IL1RAPL2: variants seen among roughly 807,000 people sequenced by gnomAD.
IL1RAPL2 encodes X-linked interleukin-1 receptor accessory protein-like 2.
In IL1RAPL2, 3 loss-of-function variants were observed where a neutral mutation model predicts 44.1. That is an observed-to-expected ratio of 0.07 (90% CI 0.03 to 0.18). IL1RAPL2 has a LOEUF of 0.18. Among genes scored for constraint, IL1RAPL2 ranks in the 10% least tolerant of loss-of-function variants. The pLI is 1.00. For synonymous variants in IL1RAPL2, 181 were observed against 178.8 expected, an observed-to-expected ratio of 1.01 and a Z score of -0.10; for missense variants, 391 against 496.4, an observed-to-expected ratio of 0.79 and a Z score of 2.02.
chrX:104,798,537 G>A (rs888483992), intron 2 of IL1RAPL2, among the ~76,000 whole-genome samples: 62 of 110,447 alleles, frequency 5.6e-4, no homozygotes, highest in Admixed American at 1.1e-3. Context: ...GTGGTGGCAG[G>A]TGCCTGTAGT....
chrX:104,924,611 C>T (rs1924730290), intron 2 of IL1RAPL2, among the ~76,000 whole-genome samples: 1 of 110,860 alleles, frequency 9.0e-6, no homozygotes. Context: ...TTTGGGTAAA[C>T]AACAAATGAA....
rs993860451 is a variant in IL1RAPL2 at position 104,906,600 on chromosome X, G to C, written c.82+247605G>C. On this transcript the variant is annotated intron_variant, in intron 2 of 10. Coordinates refer to ENST00000372582, the MANE Select transcript of IL1RAPL2 (RefSeq NM_017416.2). ...TGTCTTTGGCTCTGTTTATATGCTG[G>C]ATTACATTTACTGATTTGCATATAC... Among the ~76,000 whole-genome samples the C allele has an allele frequency of 6.3e-5, 7 of 111,938 alleles. No individual in the cohort carries two copies. In the South Asian group the frequency reaches 2.6e-3, roughly 42 times the overall value.
At chrX:104,850,932 T>C (rs1922208009) in intron 2 of IL1RAPL2, among the ~76,000 whole-genome samples, 2 of 111,085 alleles carry the variant, frequency 1.8e-5, no homozygotes, top group Non-Finnish European at 3.8e-5. Flanking sequence ...AGTTGAAAAA[T>C]GTGTATGAGA....
chrX:104,888,302 C>G (rs953761931), intron 2 of IL1RAPL2, among the ~76,000 whole-genome samples: 4 of 97,093 alleles, frequency 4.1e-5, no homozygotes, highest in Non-Finnish European at 6.2e-5. Flanking sequence ...GGAGAAGAGA[C>G]AGAGACAAAG....
intron 5 of IL1RAPL2, among the ~76,000 whole-genome samples, chrX:105,466,591 CTT>C (rs1455496860): frequency 8.9e-6 from 1 of 111,772 alleles, no homozygotes; most frequent in Non-Finnish European, 1.9e-5. Context: ...ATCTGTCACT[CTT>C]TCTTTACTTT....
chrX:105,661,224 G>A (rs1402256949), intron 6 of IL1RAPL2, among the ~76,000 whole-genome samples: 1 of 111,902 alleles, frequency 8.9e-6, no homozygotes, highest in Non-Finnish European at 1.9e-5. Context: ...AATTCAGCAA[G>A]GGGATATAAC....
At chrX:104,910,717 G>T (rs950707638) in intron 2 of IL1RAPL2, among the ~76,000 whole-genome samples, 32 of 111,742 alleles carry the variant, frequency 2.9e-4, no homozygotes, top group African/African-American at 1.0e-3. Context: ...TAAAAATTTT[G>T]TAGCTCTCTT....
intron 5 of IL1RAPL2, among the ~76,000 whole-genome samples, chrX:105,452,115 G>A (rs1210291108): frequency 9.0e-6 from 1 of 110,660 alleles, no homozygotes; most frequent in Non-Finnish European, 1.9e-5. Flanking sequence ...CTCTTTTATT[G>A]TAAATATTAC....
chrX:105,219,856 G>A, intron 3 of IL1RAPL2: 6 of 1,087,686 alleles, frequency 5.5e-6, no homozygotes, highest in Non-Finnish European at 7.4e-6. Context: ...GGCGGGGCAG[G>A]GCGAAGCCAT....
intron 6 of IL1RAPL2, among the ~76,000 whole-genome samples, chrX:105,663,237 C>T (rs763302418): frequency 9.0e-6 from 1 of 111,463 alleles, no homozygotes; most frequent in Admixed American, 9.5e-5. Flanking sequence ...AATGAATGCA[C>T]AAAATATATG....
intron 2 of IL1RAPL2, among the ~76,000 whole-genome samples, chrX:104,737,444 T>A (rs1301201633): frequency 3.6e-5 from 4 of 111,779 alleles, no homozygotes; most frequent in Non-Finnish European, 5.7e-5. Context: ...CTCCAATAAA[T>A]CTGAAAAAAA....
chrX:104,907,969 T>C (rs1924077716), intron 2 of IL1RAPL2, among the ~76,000 whole-genome samples: 1 of 110,302 alleles, frequency 9.1e-6, no homozygotes, highest in Non-Finnish European at 1.9e-5. Flanking sequence ...AGGACTTGCT[T>C]TATGAATTTG....
chrX:104,966,154 A>C (rs1350807364), intron 2 of IL1RAPL2, among the ~76,000 whole-genome samples: 1 of 111,395 alleles, frequency 9.0e-6, no homozygotes, highest in East Asian at 2.8e-4. Context: ...AATAAATAGC[A>C]ACTCAACCTC....
chrX:104,739,252 T>G lies in IL1RAPL2; in HGVS notation c.82+80257T>G, dbSNP rs73523360. ...ATTGAAAAGCCCCAAGAAATGTTGG[T>G]TCTCTTATTTGTTAGTTTGCTTTGC... On this transcript the variant is annotated intron_variant, in intron 2 of 10. Coordinates refer to ENST00000372582, the MANE Select transcript of IL1RAPL2 (RefSeq NM_017416.2). Among the ~76,000 whole-genome samples the G allele has an allele frequency of 6.5e-3, 727 of 111,998 alleles. 8 individuals are homozygous for G. Among genetic ancestry groups the G allele is most frequent in the African/African-American group, 0.023 (706 of 30,850 alleles).
At chrX:104,597,334 G>A (rs1483625123) in intron 1 of IL1RAPL2, among the ~76,000 whole-genome samples, 1 of 85,115 alleles carries the variant, frequency 1.2e-5, no homozygotes, top group East Asian at 4.0e-4. Context: ...AACAGAGTGA[G>A]ACTCCATCTC....
intron 5 of IL1RAPL2, among the ~76,000 whole-genome samples, chrX:105,307,571 T>C (rs12556457): frequency 2.1e-5 from 1 of 47,395 alleles, no homozygotes; most frequent in East Asian, 6.6e-4. Context: ...TTATATATAT[T>C]ATATATAATA....
At chrX:105,628,952 A>AG (rs2037473476) in intron 6 of IL1RAPL2, among the ~76,000 whole-genome samples, 1 of 110,368 alleles carries the variant, frequency 9.1e-6, no homozygotes. Context: ...CAAAAAAAAA[A>AG]AAAAGTTGAG....
At chrX:104,632,271 A>AAT (rs1929668563) in intron 1 of IL1RAPL2, among the ~76,000 whole-genome samples, 2 of 111,649 alleles carry the variant, frequency 1.8e-5, no homozygotes, top group African/African-American at 6.5e-5. Flanking sequence ...GAAGTCAGGT[A>AAT]GCTCGATGCC....
intron 5 of IL1RAPL2, among the ~76,000 whole-genome samples, chrX:105,419,092 A>G (rs1198099925): frequency 1.8e-5 from 2 of 111,958 alleles, no homozygotes; most frequent in Non-Finnish European, 3.8e-5. Flanking sequence ...ACTTATAACA[A>G]TTGTCCAGGG....
Sources: allele counts gnomAD v4.1 joint callset (sites outside exome capture counted in the v4.1 genomes callset), GRCh38; gene constraint gnomAD v4.1.1; transcripts MANE v1.5; gene names NCBI Gene and HGNC (gene_info 2026-07-23, HGNC 2026-07-21).